The following TMEM135 variants were observed in gnomAD, a reference collection of about 807,000 sequenced individuals.
TMEM135 encodes the protein transmembrane protein 135, also known as peroxisomal membrane protein 52.
TMEM135 carries 30 observed loss-of-function variants against 60.3 expected under a neutral mutation model. The observed-to-expected ratio is 0.50, with a 90% CI of 0.37 to 0.68. TMEM135 has a LOEUF of 0.68. Ranked by LOEUF, TMEM135 falls within the 30% of genes least tolerant of loss-of-function variation. TMEM135 has a pLI of 0.00. For missense variants in TMEM135, 468 were observed against 548.8 expected (o/e 0.85, Z 1.47); for synonymous variants, 190 against 186.7 (o/e 1.02, Z -0.14).
At chr11:87,251,494 C>T (rs1330956620) in intron 6 of TMEM135, among the ~76,000 whole-genome samples, 1 of 152,092 alleles carries the variant, frequency 6.6e-6, no homozygotes, top group African/African-American at 2.4e-5. Flanking sequence ...TGTAAATTAA[C>T]ATGTGGGCCT....
chr11:87,243,044 G>C (rs1941176329), intron 6 of TMEM135, among the ~76,000 whole-genome samples: 1 of 132,376 alleles, frequency 7.6e-6, no homozygotes, highest in African/African-American at 2.9e-5. Flanking sequence ...GTGTAAGGAA[G>C]GGATCCAGTT....
At chr11:87,055,206 T>C (rs777308673) in intron 1 of TMEM135, among the ~76,000 whole-genome samples, 16 of 152,210 alleles carry the variant, frequency 1.1e-4, no homozygotes, top group Admixed American at 9.2e-4. Flanking sequence ...ATATATGAAA[T>C]GCACATATAT....
intron 7 of TMEM135, among the ~76,000 whole-genome samples, chr11:87,299,821 G>A (rs1942412530): frequency 6.6e-6 from 1 of 152,166 alleles, no homozygotes; most frequent in Middle Eastern, 3.2e-3. Context: ...AGGAGTAAAT[G>A]AAGAGAAGAA....
At chr11:87,115,834 A>T (rs1454455825) in intron 4 of TMEM135, among the ~76,000 whole-genome samples, 2 of 152,132 alleles carry the variant, frequency 1.3e-5, no homozygotes. Flanking sequence ...TATTGGGCTG[A>T]TCATGTTTGA....
intron 6 of TMEM135, among the ~76,000 whole-genome samples, chr11:87,258,348 A>G (rs2561): frequency 0.64 from 96,594 of 151,916 alleles, 31,065 homozygotes; most frequent in Non-Finnish European, 0.67. Flanking sequence ...TCCTGTGGCT[A>G]AAGCTGCAGC....
chr11:87,246,721 C>T (rs921749383), intron 6 of TMEM135, among the ~76,000 whole-genome samples: 3 of 137,554 alleles, frequency 2.2e-5, no homozygotes, highest in African/African-American at 8.3e-5. Flanking sequence ...TTAAGCACTT[C>T]TCTGTATTGG....
chr11:87,182,515 C>G (rs1308870350), intron 5 of TMEM135, among the ~76,000 whole-genome samples: 1 of 152,114 alleles, frequency 6.6e-6, no homozygotes, highest in Non-Finnish European at 1.5e-5. Context: ...CTCCTTGCAT[C>G]ACTAACATCT....
intron 8 of TMEM135, among the ~76,000 whole-genome samples, chr11:87,302,979 T>A (rs1448283702): frequency 6.6e-6 from 1 of 152,182 alleles, no homozygotes; most frequent in African/African-American, 2.4e-5. Context: ...AAAATAAATT[T>A]AATAGTTTGA....
At chr11:87,081,527 A>G (rs1856992229) in intron 3 of TMEM135, among the ~76,000 whole-genome samples, 1 of 152,180 alleles carries the variant, frequency 6.6e-6, no homozygotes, top group Non-Finnish European at 1.5e-5. Flanking sequence ...CGCTAACATT[A>G]GTTCAAATAC....
chr11:87,197,471 G>C (rs920690590), intron 5 of TMEM135, among the ~76,000 whole-genome samples: 2 of 152,066 alleles, frequency 1.3e-5, no homozygotes, highest in Non-Finnish European at 2.9e-5. Flanking sequence ...CTAGAAAGGA[G>C]ATGGTAACCT....
At chr11:87,155,711 C>T (rs1024811124) in intron 4 of TMEM135, among the ~76,000 whole-genome samples, 2 of 152,112 alleles carry the variant, frequency 1.3e-5, no homozygotes, top group Admixed American at 1.3e-4. Context: ...TCCAAGAGTG[C>T]AGGGTGAGAT....
At chr11:87,126,039 C>T (rs377290798) in intron 4 of TMEM135, among the ~76,000 whole-genome samples, 3 of 152,090 alleles carry the variant, frequency 2.0e-5, no homozygotes, top group East Asian at 3.9e-4. Context: ...ACAGTGATAT[C>T]AAGGAACAAT....
At chr11:87,142,637 C>T (rs575938025) in intron 4 of TMEM135, among the ~76,000 whole-genome samples, 56 of 151,940 alleles carry the variant, frequency 3.7e-4, no homozygotes, top group African/African-American at 1.4e-3. Flanking sequence ...TGTCCATGTG[C>T]GAATTGCTTT....
intron 6 of TMEM135, among the ~76,000 whole-genome samples, chr11:87,239,613 G>T (rs968908842): frequency 3.9e-5 from 6 of 151,940 alleles, no homozygotes; most frequent in African/African-American, 1.4e-4. Flanking sequence ...CTCCATTTAT[G>T]GTAACCTCCT....
At chr11:87,255,913 C>T (rs1941519931) in intron 6 of TMEM135, among the ~76,000 whole-genome samples, 1 of 152,112 alleles carries the variant, frequency 6.6e-6, no homozygotes, top group South Asian at 2.1e-4. Context: ...TTCAATGTAG[C>T]TATAAGACAT....
At chr11:87,101,977 GA>G (rs893001508) in intron 4 of TMEM135, among the ~76,000 whole-genome samples, 2 of 151,746 alleles carry the variant, frequency 1.3e-5, no homozygotes, top group Admixed American at 1.3e-4. Flanking sequence ...CCGTCTCGGG[GA>G]AAAAAAACAA....
intron 7 of TMEM135, among the ~76,000 whole-genome samples, chr11:87,299,464 C>T (rs1286132432): frequency 2.6e-5 from 4 of 152,212 alleles, no homozygotes; most frequent in Non-Finnish European, 4.4e-5. Context: ...AGGTCCCTCC[C>T]TCAACATGTG....
chr11:87,136,079 A>G (rs1263559964), intron 4 of TMEM135, among the ~76,000 whole-genome samples: 1 of 151,994 alleles, frequency 6.6e-6, no homozygotes, highest in East Asian at 1.9e-4. Flanking sequence ...ATATCCTGCA[A>G]CTTTGCTAAA....
chr11:87,130,914 A>G (rs1937908023), intron 4 of TMEM135, among the ~76,000 whole-genome samples: 1 of 151,202 alleles, frequency 6.6e-6, no homozygotes, highest in Non-Finnish European at 1.5e-5. Context: ...ATTCTAATTT[A>G]TGTGTTTAGT....
Sources: allele counts gnomAD v4.1 joint callset (sites outside exome capture counted in the v4.1 genomes callset), GRCh38; gene constraint gnomAD v4.1.1; transcripts MANE v1.5; gene names NCBI Gene and HGNC (gene_info 2026-07-23, HGNC 2026-07-21).